The following PCDH15 variants were observed in gnomAD, a reference collection of about 807,000 sequenced individuals.
The protein encoded by PCDH15 is protocadherin-15.
In PCDH15, 129 loss-of-function variants were observed where a neutral mutation model predicts 178.5. That is an observed-to-expected ratio of 0.72 (90% CI 0.63 to 0.84). PCDH15 has a LOEUF of 0.84. Among genes scored for constraint, PCDH15 ranks in the 40% least tolerant of loss-of-function variants. The probability of loss-of-function intolerance (pLI) is 0.00; values close to 1 mark genes in which losing one functional copy is unlikely to be tolerated. For synonymous variants in PCDH15, 800 were observed against 732.0 expected (o/e 1.09, Z -1.50); for missense variants, 2,230 against 2,099.9 (o/e 1.06, Z -1.21).
At chr10:55,489,907 TAGAA>T (rs1840375617) in intron 2 of PCDH15, among the ~76,000 whole-genome samples, 1 of 151,496 alleles carries the variant, frequency 6.6e-6, no homozygotes, top group Non-Finnish European at 1.5e-5. Context: ...CAAAGGAACT[TAGAA>T]AGAAGTGTCC....
At chr10:55,267,372 G>A (rs2132242730) in intron 1 of PCDH15, among the ~76,000 whole-genome samples, 1 of 152,188 alleles carries the variant, frequency 6.6e-6, no homozygotes, top group Non-Finnish European at 1.5e-5. Flanking sequence ...TCAGATAATT[G>A]TTTCATGTAA....
At chr10:55,200,972 T>C (rs1462460549) in intron 1 of PCDH15, among the ~76,000 whole-genome samples, 1 of 152,112 alleles carries the variant, frequency 6.6e-6, no homozygotes, top group Non-Finnish European at 1.5e-5. Flanking sequence ...CACTCTCAAG[T>C]AATTCCTTAT....
At chr10:54,421,351 A>G (rs986126955) in intron 3 of PCDH15, among the ~76,000 whole-genome samples, 4 of 151,650 alleles carry the variant, frequency 2.6e-5, no homozygotes, top group Non-Finnish European at 5.9e-5. Context: ...CATGAAATCA[A>G]TATGTGAATC....
At chr10:53,846,023 TACACACAC>T (rs71461206) in intron 28 of PCDH15, among the ~76,000 whole-genome samples, 81 of 147,142 alleles carry the variant, frequency 5.5e-4, no homozygotes, top group African/African-American at 1.8e-3. Context: ...TGTATGTGTA[TACACACAC>T]ACACACACAC....
chr10:53,861,873 CCTAA>C (rs144345508), intron 27 of PCDH15, among the ~76,000 whole-genome samples: 8 of 152,072 alleles, frequency 5.3e-5, no homozygotes, highest in South Asian at 2.1e-4. Context: ...AACTGTCTTT[CCTAA>C]CTAACTAACT....
intron 2 of PCDH15, among the ~76,000 whole-genome samples, chr10:54,550,927 G>A (rs1005219915): frequency 6.6e-6 from 1 of 151,818 alleles, no homozygotes; most frequent in Non-Finnish European, 1.5e-5. Context: ...AGGCTGAGGT[G>A]GGAGGATCAC....
intron 20 of PCDH15, among the ~76,000 whole-genome samples, chr10:54,007,353 A>C (rs1393405499): frequency 1.3e-5 from 2 of 152,148 alleles, no homozygotes; most frequent in African/African-American, 4.8e-5. Context: ...AGAAATATAC[A>C]AGAAAAATAT....
At chr10:54,785,718 G>A (rs1169756531) in intron 1 of PCDH15, among the ~76,000 whole-genome samples, 2 of 151,910 alleles carry the variant, frequency 1.3e-5, no homozygotes, top group South Asian at 2.1e-4. Context: ...AAAGCATGTA[G>A]CACCCTGGAT....
chr10:55,540,634 C>A (rs2132075748), intron 2 of PCDH15, among the ~76,000 whole-genome samples: 1 of 152,112 alleles, frequency 6.6e-6, no homozygotes, highest in South Asian at 2.1e-4. Context: ...ATAAAAGTTT[C>A]TAAGGAAATG....
chr10:55,195,424 C>G (rs1840060815), intron 1 of PCDH15, among the ~76,000 whole-genome samples: 1 of 146,784 alleles, frequency 6.8e-6, no homozygotes, highest in Non-Finnish European at 1.5e-5. Flanking sequence ...AGGTGGATCA[C>G]GAGGTCAGGA....
At chr10:55,147,956 T>C (rs183322856) in intron 2 of PCDH15, among the ~76,000 whole-genome samples, 253 of 151,980 alleles carry the variant, frequency 1.7e-3, no homozygotes, top group African/African-American at 5.9e-3. Context: ...TAGTAATTAC[T>C]GCTTTCTAAA....
At chr10:54,861,820 C>T (rs1953848554) in intron 3 of PCDH15, among the ~76,000 whole-genome samples, 1 of 152,112 alleles carries the variant, frequency 6.6e-6, no homozygotes, top group African/African-American at 2.4e-5. Context: ...CAAAAGACTC[C>T]TACATCTATC....
chr10:55,379,828 T>C (rs1837489473), intron 2 of PCDH15, among the ~76,000 whole-genome samples: 1 of 152,052 alleles, frequency 6.6e-6, no homozygotes, highest in African/African-American at 2.4e-5. Context: ...GGGGAAACAA[T>C]ATTAGGAAAC....
At chr10:54,688,802 T>C (rs1168964328) in intron 1 of PCDH15, among the ~76,000 whole-genome samples, 1 of 152,208 alleles carries the variant, frequency 6.6e-6, no homozygotes, top group South Asian at 2.1e-4. Context: ...ATAAGTAAAA[T>C]TCATGAGGAA....
chr10:55,436,801 C>T (rs924901479), intron 2 of PCDH15, among the ~76,000 whole-genome samples: 3 of 152,090 alleles, frequency 2.0e-5, no homozygotes, highest in Non-Finnish European at 4.4e-5. Context: ...TAATTGGTAA[C>T]TATGAAGATA....
rs538202258 is a variant in PCDH15 at position 55,592,549 on chromosome 10, A to G, written c.-156+35076T>C. Among the ~76,000 whole-genome samples the G allele has an allele frequency of 2.0e-5, 3 of 152,238 alleles. No individual in the cohort carries two copies. The East Asian group carries it at 5.8e-4, about 29-fold the overall frequency. On this transcript the variant is annotated intron_variant, in intron 2 of 5. Coordinates refer to the PCDH15 transcript ENST00000613346. ...CAGGGTCCCTTTATTACTAACTGAG[A>G]GGTTCTAGACTATTCTTGTGTGGCT... is the stretch of plus-strand genomic sequence containing the variant.
intron 1 of PCDH15, among the ~76,000 whole-genome samples, chr10:55,211,122 A>G (rs1359255677): frequency 6.6e-6 from 1 of 152,100 alleles, no homozygotes; most frequent in African/African-American, 2.4e-5. Flanking sequence ...GGTCAAGGTA[A>G]TGAAGATGTG....
chr10:54,474,173 TG>T (rs2078111618), intron 3 of PCDH15, among the ~76,000 whole-genome samples: 1 of 151,960 alleles, frequency 6.6e-6, no homozygotes, highest in Admixed American at 6.6e-5. Context: ...AGATGTCTGC[TG>T]AATCCATCAC....
intron 1 of PCDH15, among the ~76,000 whole-genome samples, chr10:55,309,763 C>G (rs1843532143): frequency 6.6e-6 from 1 of 152,154 alleles, no homozygotes; most frequent in Admixed American, 6.5e-5. Flanking sequence ...ATTATCTTAA[C>G]TGTAAAGTGT....
Sources: gnomAD v4.1 joint callset for allele counts (sites outside exome capture counted in the v4.1 genomes callset) on GRCh38, gnomAD v4.1.1 for gene constraint, MANE v1.5 for transcripts, NCBI Gene and HGNC (gene_info 2026-07-23, HGNC 2026-07-21) for gene names.